The following SDHC variants were observed in gnomAD, a reference collection of about 807,000 sequenced individuals.
The protein encoded by SDHC is succinate dehydrogenase complex subunit C.
SDHC carries 11 observed loss-of-function variants against 22.6 expected under a neutral mutation model. The ratio of observed to expected loss-of-function variants is 0.49; its 90% CI spans 0.31 to 0.81. The LOEUF (loss-of-function observed/expected upper bound fraction) is 0.81. Among genes scored for constraint, SDHC ranks in the 30% least tolerant of loss-of-function variants. The probability of loss-of-function intolerance (pLI) is 0.05; values close to 1 mark genes in which losing one functional copy is unlikely to be tolerated. For missense variants in SDHC, 160 were observed against 212.0 expected (o/e 0.75, Z 1.52); for synonymous variants, 80 against 77.8 (o/e 1.03, Z -0.15).
chr1:161,332,456 A>G (rs1671312467), intron 3 of SDHC, among the ~76,000 whole-genome samples: 1 of 152,154 alleles, frequency 6.6e-6, no homozygotes, highest in Non-Finnish European at 1.5e-5. Context: ...AGTTTTTAAT[A>G]ACATGTTCCT....
chr1:161,338,925 G>A (rs764281461), intron 3 of SDHC, among the ~76,000 whole-genome samples: 1 of 151,828 alleles, frequency 6.6e-6, no homozygotes, highest in Non-Finnish European at 1.5e-5. Flanking sequence ...CTCCATTTAC[G>A]CCAAACTCCG....
intron 3 of SDHC, chr1:161,339,664 T>G (rs1309943819): frequency 9.1e-5 from 9 of 99,378 alleles, no homozygotes; most frequent in Non-Finnish European, 1.3e-4. Flanking sequence ...ATACAGGTGT[T>G]TTTTTTTTTT....
At chr1:161,326,046 A>G (rs773778354) in intron 2 of SDHC, among the ~76,000 whole-genome samples, 4 of 152,102 alleles carry the variant, frequency 2.6e-5, no homozygotes, top group Non-Finnish European at 4.4e-5. Context: ...GACTGAAAAT[A>G]CAAAAATTAG....
At chr1:161,337,906 A>G (rs1259371462) in intron 3 of SDHC, among the ~76,000 whole-genome samples, 2 of 152,154 alleles carry the variant, frequency 1.3e-5, no homozygotes, top group Non-Finnish European at 2.9e-5. Flanking sequence ...TGTCTTTTTC[A>G]TGCTGATAAT....
At chr1:161,332,323 A>G (rs1283456641) in intron 3 of SDHC, among the ~76,000 whole-genome samples, 1 of 151,954 alleles carries the variant, frequency 6.6e-6, no homozygotes, top group Non-Finnish European at 1.5e-5. Context: ...TTCCTTTCAC[A>G]TTTTACTATA....
intron 1 of SDHC, 69 bp from the exon 2 acceptor site, chr1:161,323,545 A>G (rs960737955): frequency 1.7e-6 from 2 of 1,210,334 alleles, no homozygotes; most frequent in African/African-American, 1.5e-5. Context: ...CACCCCTAAA[A>G]ATAGAGAAGT....
At chr1:161,342,945 C>T (rs1671771471) in intron 4 of SDHC, among the ~76,000 whole-genome samples, 1 of 152,210 alleles carries the variant, frequency 6.6e-6, no homozygotes. Flanking sequence ...TCTTTTGTTA[C>T]TTTAGCCTGG....
At chr1:161,357,169 C>T (rs903053702) in intron 5 of SDHC, among the ~76,000 whole-genome samples, 10 of 151,976 alleles carry the variant, frequency 6.6e-5, no homozygotes, top group Non-Finnish European at 4.4e-5. Context: ...TTAAGTGATC[C>T]GCCTGCCTAA....
In SDHC at chr1:161,363,057, A is replaced by G. The variant is rs114438179; in HGVS notation, c.*624A>G. ...ATAGCTTTGGACACGAGGAAGATCTAGAAAATTATCATTGAACATATTAAT... is the reference window on the plus strand; with the variant it reads ...ATAGCTTTGGACACGAGGAAGATCTGGAAAATTATCATTGAACATATTAAT... On this transcript the variant is annotated 3_prime_UTR_variant, in exon 6 of 6. Coordinates refer to ENST00000367975, the MANE Select transcript of SDHC (RefSeq NM_003001.5). The G allele has an allele frequency of 9.0e-3, 2,190 of 242,662 alleles. 45 individuals carry two copies. The highest frequency in any genetic ancestry group is 0.042 in the African/African-American group (1,892 of 45,492). 15.0% of individuals were successfully genotyped at this position (242,662 alleles called of 1,614,324 possible).
Position 161,362,718 on chromosome 1 carries a change from G to A in SDHC, c.*285G>A, listed in dbSNP as rs1335319646. On this transcript the variant is annotated 3_prime_UTR_variant, in exon 6 of 6. Transcript: ENST00000367975. ...AGCAGTTATTCTCTCTCCATATTGG[G>A]CTTTGATTTGTGCTGAGGGTCAGCT... is the stretch of plus-strand genomic sequence containing the variant. The A allele has an allele frequency of 2.2e-5, 13 of 596,646 alleles. No individual in the cohort carries two copies. Among genetic ancestry groups the A allele is most frequent in the Non-Finnish European group, 3.3e-5 (11 of 334,314 alleles). The allele number at this position is 596,646 out of a possible 1,614,324, so 37.0% of individuals were successfully genotyped here.
chr1:161,345,052 T>G (rs980374947), intron 4 of SDHC, among the ~76,000 whole-genome samples: 2 of 152,328 alleles, frequency 1.3e-5, no homozygotes, highest in Admixed American at 1.3e-4. Context: ...AATGACTGTG[T>G]TCACTTTAGC....
At chr1:161,352,333 C>T (rs57473118) in intron 4 of SDHC, among the ~76,000 whole-genome samples, 17,813 of 152,066 alleles carry the variant, frequency 0.12, 1,416 homozygotes, top group African/African-American at 0.22. Flanking sequence ...AGTGAGGCAG[C>T]CAGCCAAAAT....
chr1:161,348,834 T>C (rs765120401), intron 4 of SDHC, among the ~76,000 whole-genome samples: 12 of 151,588 alleles, frequency 7.9e-5, no homozygotes, highest in Middle Eastern at 3.2e-3. Flanking sequence ...CGAGACTCTG[T>C]CTCAAAAATA....
At chr1:161,347,860 G>T (rs1232764261) in intron 4 of SDHC, among the ~76,000 whole-genome samples, 1 of 151,862 alleles carries the variant, frequency 6.6e-6, no homozygotes, top group African/African-American at 2.4e-5. Flanking sequence ...GTGACACTCT[G>T]TCTCAAAAAA....
chr1:161,352,971 C>T (rs374533047), intron 4 of SDHC, among the ~76,000 whole-genome samples: 9 of 151,616 alleles, frequency 5.9e-5, no homozygotes, highest in African/African-American at 1.9e-4. Context: ...AGCGAGACTC[C>T]GTCTCAAAGA....
At chr1:161,317,679 A>C (rs1670676859) in intron 1 of SDHC, among the ~76,000 whole-genome samples, 1 of 148,276 alleles carries the variant, frequency 6.7e-6, no homozygotes, top group Non-Finnish European at 1.5e-5. Flanking sequence ...CTCCTGGCTC[A>C]GCCTCCCAAG....
chr1:161,347,096 A>G (rs72714982), intron 4 of SDHC, among the ~76,000 whole-genome samples: 16,390 of 152,216 alleles, frequency 0.11, 1,012 homozygotes, highest in African/African-American at 0.15. Flanking sequence ...CAGAGTTGAC[A>G]GCACTCTGAG....
intron 1 of SDHC, among the ~76,000 whole-genome samples, chr1:161,320,859 G>A (rs1490862709): frequency 7.1e-6 from 1 of 140,318 alleles, no homozygotes; most frequent in Admixed American, 7.4e-5. Context: ...ATGGAGTCCC[G>A]CTCTGTCACC....
chr1:161,348,423 T>C (rs1671977509), intron 4 of SDHC, among the ~76,000 whole-genome samples: 1 of 151,578 alleles, frequency 6.6e-6, no homozygotes, highest in African/African-American at 2.4e-5. Flanking sequence ...CCTCCCAAAG[T>C]ACTGGGATTA....
Sources: allele counts gnomAD v4.1 joint callset (sites outside exome capture counted in the v4.1 genomes callset), GRCh38; gene constraint gnomAD v4.1.1; transcripts MANE v1.5; gene names NCBI Gene and HGNC (gene_info 2026-07-23, HGNC 2026-07-21).